Variants in LARGE1 observed in about 807,000 individuals in gnomAD.
The protein encoded by LARGE1 is LARGE xylosyl- and glucuronyltransferase 1, also known as xylosyl- and glucuronyltransferase LARGE1.
In LARGE1, 43 loss-of-function variants were observed where a neutral mutation model predicts 87.6. The observed-to-expected ratio is 0.49, with a 90% CI of 0.38 to 0.63. The LOEUF (loss-of-function observed/expected upper bound fraction) is 0.63. Among genes scored for constraint, LARGE1 ranks in the 30% least tolerant of loss-of-function variants. LARGE1 has a pLI of 0.00. For missense variants in LARGE1, 802 were observed against 1,000.2 expected (o/e 0.80, Z 2.67); for synonymous variants, 434 against 394.6 (o/e 1.10, Z -1.18).
intron 11 of LARGE1, among the ~76,000 whole-genome samples, chr22:33,172,522 T>C (rs189550407): frequency 9.1e-4 from 139 of 152,284 alleles, no homozygotes; most frequent in African/African-American, 2.8e-3. Flanking sequence ...TCCTTCATGA[T>C]TGTAAGCTTC....
At chr22:33,788,616 A>C (rs930254978) in intron 1 of LARGE1, among the ~76,000 whole-genome samples, 1 of 152,198 alleles carries the variant, frequency 6.6e-6, no homozygotes, top group African/African-American at 2.4e-5. Flanking sequence ...AGTCCAGGTT[A>C]AGGTGGTCTC....
At chr22:33,742,064 C>A (rs1306191354) in intron 2 of LARGE1, among the ~76,000 whole-genome samples, 1 of 152,190 alleles carries the variant, frequency 6.6e-6, no homozygotes, top group East Asian at 1.9e-4. Flanking sequence ...ATGGGGCTAA[C>A]AAGGGTTCCT....
At chr22:33,856,582 G>A (rs899561439) in intron 1 of LARGE1, among the ~76,000 whole-genome samples, 3 of 152,184 alleles carry the variant, frequency 2.0e-5, no homozygotes, top group Admixed American at 1.3e-4. Flanking sequence ...ACTTAGAGGC[G>A]GACAACGCCA....
the LARGE1 span, among the ~76,000 whole-genome samples, chr22:33,079,416 A>G: frequency 1.3e-5 from 2 of 151,482 alleles, no homozygotes; most frequent in East Asian, 3.9e-4. Context: ...TTCAGTAGAG[A>G]TGGGGTTTCA....
intron 2 of LARGE1, among the ~76,000 whole-genome samples, chr22:33,664,768 G>A (rs1295919584): frequency 1.3e-5 from 2 of 152,144 alleles, no homozygotes; most frequent in African/African-American, 4.8e-5. Flanking sequence ...GGAGGCTGCG[G>A]CAGAAGAAAC....
intron 7 of LARGE1, among the ~76,000 whole-genome samples, chr22:33,407,857 C>A (rs756104714): frequency 6.6e-6 from 1 of 151,964 alleles, no homozygotes; most frequent in African/African-American, 2.4e-5. Flanking sequence ...AGCTGTCAAT[C>A]TAAATAATAA....
intron 8 of LARGE1, among the ~76,000 whole-genome samples, chr22:33,382,694 C>T (rs998780076): frequency 2.6e-5 from 4 of 152,064 alleles, no homozygotes; most frequent in South Asian, 2.1e-4. Flanking sequence ...CAGGTGGCGC[C>T]GGGAGGTGAA....
intron 3 of LARGE1, among the ~76,000 whole-genome samples, chr22:33,631,154 ACTGT>A (rs61016685): frequency 0.48 from 72,704 of 151,430 alleles, 20,011 homozygotes; most frequent in Middle Eastern, 0.65. Context: ...CGCCCAGCCA[ACTGT>A]CTATTTTTTT....
At chr22:33,236,844 A>G (rs1480898466) in intron 11 of LARGE1, among the ~76,000 whole-genome samples, 2 of 152,166 alleles carry the variant, frequency 1.3e-5, no homozygotes, top group Admixed American at 6.5e-5. Context: ...ATCTGTCCCA[A>G]TCATGGGAAA....
intron 11 of LARGE1, among the ~76,000 whole-genome samples, chr22:33,236,385 A>T (rs552756015): frequency 1.3e-5 from 2 of 152,178 alleles, no homozygotes; most frequent in African/African-American, 4.8e-5. Flanking sequence ...AAGCAATAAT[A>T]GACTCAGTAG....
chr22:33,662,734 CA>C (rs1007618067), intron 2 of LARGE1, among the ~76,000 whole-genome samples: 26 of 145,280 alleles, frequency 1.8e-4, no homozygotes, highest in East Asian at 6.0e-4. Context: ...TAACCCATTC[CA>C]AAAAAAAAAA....
intron 10 of LARGE1, chr22:33,322,368 T>C (rs1936825205): frequency 6.6e-6 from 1 of 152,244 alleles, no homozygotes; most frequent in South Asian, 2.1e-4. Flanking sequence ...TTTATACTTT[T>C]CTGTAGTTAA....
At chr22:33,609,776 G>A (rs1449556415) in intron 4 of LARGE1, among the ~76,000 whole-genome samples, 10 of 152,078 alleles carry the variant, frequency 6.6e-5, no homozygotes, top group Admixed American at 5.2e-4. Flanking sequence ...TGGGTCATGG[G>A]GGCGGATCCC....
intron 7 of LARGE1, among the ~76,000 whole-genome samples, chr22:33,401,816 T>A (rs953180095): frequency 2.0e-5 from 3 of 152,122 alleles, no homozygotes; most frequent in Admixed American, 1.3e-4. Context: ...AAAAAATAAA[T>A]CTATGTTGTT....
At chr22:33,514,789 G>C (rs2071222713) in intron 6 of LARGE1, among the ~76,000 whole-genome samples, 1 of 152,148 alleles carries the variant, frequency 6.6e-6, no homozygotes, top group South Asian at 2.1e-4. Flanking sequence ...TCCTATTAAA[G>C]TGAGTCAGAA....
intron 11 of LARGE1, among the ~76,000 whole-genome samples, chr22:33,241,601 C>CAT (rs904610370): frequency 4.0e-5 from 6 of 150,652 alleles, no homozygotes; most frequent in Admixed American, 4.0e-4. Context: ...TATATATGTA[C>CAT]ATATATATGT....
chr22:33,306,135 C>T (rs181866221), intron 11 of LARGE1, among the ~76,000 whole-genome samples: 81 of 152,278 alleles, frequency 5.3e-4, no homozygotes, highest in Admixed American at 1.8e-3. Context: ...TGAGCCACCG[C>T]GCCTGGCCGA....
intron 6 of LARGE1, among the ~76,000 whole-genome samples, chr22:33,473,142 T>C (rs1200362112): frequency 1.3e-5 from 2 of 152,022 alleles, no homozygotes; most frequent in Non-Finnish European, 2.9e-5. Context: ...TTCAAAATGA[T>C]ACAACCTACA....
At chr22:33,856,160 AAGATTTCAAAATGTTTC>A (rs2146546479) in intron 1 of LARGE1, among the ~76,000 whole-genome samples, 1 of 152,308 alleles carries the variant, frequency 6.6e-6, no homozygotes, top group South Asian at 2.1e-4. Context: ...TTCCACTGAA[AAGATTTCAAAATGTTTC>A]ATGTGCAGAA....
Sources: gnomAD v4.1 joint callset for allele counts (sites outside exome capture counted in the v4.1 genomes callset) on GRCh38, gnomAD v4.1.1 for gene constraint, MANE v1.5 for transcripts, NCBI Gene and HGNC (gene_info 2026-07-23, HGNC 2026-07-21) for gene names.